The following CNGB1 variants were observed in gnomAD, a reference collection of about 807,000 sequenced individuals.
The protein encoded by CNGB1 is cyclic nucleotide gated channel subunit beta 1, also known as cyclic nucleotide-gated channel beta-1.
In CNGB1, 126 loss-of-function variants were observed where a neutral mutation model predicts 151.7. That is an observed-to-expected ratio of 0.83 (90% CI 0.72 to 0.96). CNGB1 has a LOEUF of 0.96. Among genes scored for constraint, CNGB1 ranks in the 40% least tolerant of loss-of-function variants. CNGB1 has a pLI of 0.00. For synonymous variants in CNGB1, 623 were observed against 635.1 expected, an observed-to-expected ratio of 0.98 and a Z score of 0.29; for missense variants, 1,698 against 1,627.0, an observed-to-expected ratio of 1.04 and a Z score of -0.75.
intron 31 of CNGB1, among the ~76,000 whole-genome samples, chr16:57,896,752 A>ATAAC (rs1461023239): frequency 4.0e-5 from 6 of 150,316 alleles, no homozygotes; most frequent in Non-Finnish European, 7.4e-5. Context: ...AAATAAATAA[A>ATAAC]TAAATAAATA....
intron 17 of CNGB1, among the ~76,000 whole-genome samples, chr16:57,924,371 T>C (rs1961127939): frequency 6.6e-6 from 1 of 151,932 alleles, no homozygotes; most frequent in South Asian, 2.1e-4. Flanking sequence ...TAGAACTAAC[T>C]GATGTAGAAA....
intron 17 of CNGB1, among the ~76,000 whole-genome samples, chr16:57,925,181 T>G (rs1239819991): frequency 6.6e-6 from 1 of 151,934 alleles, no homozygotes; most frequent in Non-Finnish European, 1.5e-5. Context: ...TTTTTTTTTT[T>G]TAGTAGAGAT....
chr16:57,894,412 C>T (rs1422166564), intron 31 of CNGB1, among the ~76,000 whole-genome samples: 2 of 152,144 alleles, frequency 1.3e-5, no homozygotes, highest in African/African-American at 4.8e-5. Context: ...ACAAGCCTGG[C>T]CAACGTGGCA....
Position 57,959,891 on chromosome 16 carries a change from G to A in CNGB1, c.758C>T (p.Ala253Val). ...TSSLPPTRDP[A>V]RLVAWVLHRL... ...CGCTGCATTGAGGGTGGCTCACCTG[G>A]CAGGGTCCCTGGTTGGTGGCAGGGA... The change falls in exon 10 of 33, where the codon GCC becomes GTC. Residue 253 changes from alanine to valine, a missense_variant. By Grantham distance (64) the Ala-to-Val change is moderately conservative. Transcript: ENST00000251102. 1.3e-6 allele frequency: 2 copies of A among 1,530,680 alleles called. No homozygotes were observed. The highest frequency in any genetic ancestry group is 8.8e-7 in the Non-Finnish European group (1 of 1,138,084). The allele number at this position is 1,530,680 out of a possible 1,614,324, so 94.8% of individuals were successfully genotyped here.
intron 16 of CNGB1, among the ~76,000 whole-genome samples, chr16:57,933,297 G>A (rs1286713193): frequency 6.6e-6 from 1 of 152,214 alleles, no homozygotes; most frequent in East Asian, 1.9e-4. Flanking sequence ...GTAACAGACT[G>A]TGTAGTGTGT....
chr16:57,965,014 C>A (rs1424791890), intron 2 of CNGB1, among the ~76,000 whole-genome samples: 1 of 152,250 alleles, frequency 6.6e-6, no homozygotes, highest in East Asian at 1.9e-4. Flanking sequence ...TCTCTGCCAT[C>A]TGCCTTTCAC....
chr16:57,960,465 A>G lies in CNGB1; in HGVS notation c.583+17T>C. 2 of 1,612,494 alleles carry G rather than the reference A, an allele frequency of 1.2e-6. No individual in the cohort carries two copies. The highest frequency in any genetic ancestry group is 4.5e-5 in the East Asian group (2 of 44,806). ...GACCATCCCAGGCAGCCCCCTCCCGAGCTCCCCTCCCTGTACCTGGGTCTG... is the reference window on the plus strand; with the variant it reads ...GACCATCCCAGGCAGCCCCCTCCCGGGCTCCCCTCCCTGTACCTGGGTCTG... On this transcript the variant is annotated intron_variant, in intron 9 of 32. Coordinates refer to ENST00000251102, the MANE Select transcript of CNGB1 (RefSeq NM_001297.5).
intron 9 of CNGB1, 72 bp downstream of exon 9, chr16:57,960,410 G>A: frequency 6.4e-7 from 1 of 1,560,024 alleles, no homozygotes; most frequent in Non-Finnish European, 8.8e-7. Context: ...GGATCCTCCA[G>A]GGCCCAGTTG....
intron 23 of CNGB1, among the ~76,000 whole-genome samples, chr16:57,914,952 G>A (rs1960823195): frequency 6.6e-6 from 1 of 152,130 alleles, no homozygotes; most frequent in Non-Finnish European, 1.5e-5. Context: ...TTCATATCTG[G>A]GCTCCACTCC....
At chr16:57,893,702 G>C (rs1388172131) in intron 31 of CNGB1, among the ~76,000 whole-genome samples, 1 of 152,140 alleles carries the variant, frequency 6.6e-6, no homozygotes, top group Admixed American at 6.5e-5. Flanking sequence ...TGGGGTGGCT[G>C]AGGCAGGAGA....
Position 57,915,222 on chromosome 16 carries a change from C to T in CNGB1, c.2304+27G>A, listed in dbSNP as rs1839514023. On this transcript the variant is annotated intron_variant, in intron 23 of 32. Transcript: ENST00000251102. ...TGCAGAGCAGGGATGAGCTGAAGGCCTGGGGTGGTGGGCCCAGCAGTCCTA... is the reference window on the plus strand; with the variant it reads ...TGCAGAGCAGGGATGAGCTGAAGGCTTGGGGTGGTGGGCCCAGCAGTCCTA... 11 of 1,592,210 alleles carry T rather than the reference C, an allele frequency of 6.9e-6. No homozygotes were observed. In the South Asian group the frequency reaches 1.1e-4, roughly 16 times the overall value.
intron 10 of CNGB1, among the ~76,000 whole-genome samples, chr16:57,958,838 G>A (rs1372461921): frequency 6.6e-6 from 1 of 151,362 alleles, no homozygotes; most frequent in African/African-American, 2.4e-5. Context: ...TTGACTTGGT[G>A]GCCCAGGCTG....
chr16:57,915,220 G>T lies in CNGB1; in HGVS notation c.2304+29C>A, dbSNP rs1280089158. The T allele has an allele frequency of 8.2e-6, 13 of 1,582,100 alleles. No individual in the cohort carries two copies. In the South Asian group the frequency reaches 1.5e-4, roughly 18 times the overall value. The stretch of plus-strand genomic sequence containing the variant: ...GGTGCAGAGCAGGGATGAGCTGAAG[G>T]CCTGGGGTGGTGGGCCCAGCAGTCC... On this transcript the variant is annotated intron_variant, in intron 23 of 32. Coordinates refer to ENST00000251102, the MANE Select transcript of CNGB1 (RefSeq NM_001297.5).
intron 10 of CNGB1, among the ~76,000 whole-genome samples, chr16:57,959,620 AC>A: frequency 6.6e-6 from 1 of 152,222 alleles, no homozygotes; most frequent in Non-Finnish European, 1.5e-5. Flanking sequence ...AAACAAACAA[AC>A]AAACAAAAAA....
intron 21 of CNGB1, 22 bp from the exon 22 acceptor site, chr16:57,916,201 T>G: frequency 6.2e-7 from 1 of 1,609,632 alleles, no homozygotes; most frequent in African/African-American, 1.3e-5. Flanking sequence ...GGAATGATGA[T>G]GGTGAAATGA....
rs375078087 is a variant in CNGB1, at chr16:57,963,072, G to A, written c.291-8C>T. The A allele has an allele frequency of 1.4e-5, 23 of 1,605,970 alleles. No individual in the cohort carries two copies. The African/African-American group carries it at 3.1e-4, about 21-fold the overall frequency. On this transcript the variant is annotated splice_polypyrimidine_tract_variant and splice_region_variant and intron_variant, in intron 4 of 32. Transcript: ENST00000251102. The stretch of plus-strand genomic sequence containing the variant: ...AGTACCCTGCGGCTGGGACTGCGAT[G>A]GACAGAGACACCAGCCCGCCCTCAA...
At chr16:57,940,150 T>G in intron 15 of CNGB1, 84 bp downstream of exon 15, 3 of 1,358,944 alleles carry the variant, frequency 2.2e-6, no homozygotes, top group Non-Finnish European at 3.1e-6. Context: ...AAACTCCCCC[T>G]GTAAGCAAAG....
chr16:57,884,026 G>C lies in CNGB1; in HGVS notation c.*138C>G. ...GCGTGCTGGCGGGACGGTCAGAGCT[G>C]CAGCCACTGAGGTCACGACTACGGA... On this transcript the variant is annotated 3_prime_UTR_variant, in exon 33 of 33. Coordinates refer to ENST00000251102, the MANE Select transcript of CNGB1 (RefSeq NM_001297.5). The C allele has an allele frequency of 8.0e-7, 1 of 1,257,276 alleles. No homozygotes were observed. The highest frequency in any genetic ancestry group is 1.1e-6 in the Non-Finnish European group (1 of 874,754). 77.9% of individuals were successfully genotyped at this position (1,257,276 alleles called of 1,614,324 possible). A position where few individuals can be genotyped will look rare whatever the true frequency, so the allele number is the denominator to read the frequency against.
chr16:57,919,267 A>T lies in CNGB1; in HGVS notation c.1802-13T>A. 1 of 1,614,044 alleles carries T rather than the reference A, an allele frequency of 6.2e-7. No individual in the cohort carries two copies. Among genetic ancestry groups the T allele is most frequent in the Non-Finnish European group, 8.5e-7 (1 of 1,180,010 alleles). ...TTCTTGGCTGGGGCTGTGGGATGAC[A>T]TTGGTGACCATCTGAACCAGCCCTG... On this transcript the variant is annotated splice_polypyrimidine_tract_variant and intron_variant, in intron 19 of 32. Transcript: ENST00000251102.
Sources: allele counts gnomAD v4.1 joint callset (sites outside exome capture counted in the v4.1 genomes callset), GRCh38; gene constraint gnomAD v4.1.1; transcripts MANE v1.5; gene names NCBI Gene and HGNC (gene_info 2026-07-23, HGNC 2026-07-21).